The following ATG4A variants were observed in gnomAD, a reference collection of about 807,000 sequenced individuals.
The protein encoded by ATG4A is autophagy related 4A cysteine peptidase, also known as cysteine protease ATG4A.
Under a neutral mutation model 38.4 loss-of-function variants are expected in ATG4A, and 22 were observed. The observed-to-expected ratio is 0.57, with a 90% CI of 0.41 to 0.82. The LOEUF (loss-of-function observed/expected upper bound fraction) is 0.82. ATG4A is among the 40% of genes least tolerant of loss of function. ATG4A has a pLI of 0.00. For missense variants in ATG4A, 220 were observed against 290.0 expected, an observed-to-expected ratio of 0.76 and a Z score of 1.75; for synonymous variants, 86 against 100.7, an observed-to-expected ratio of 0.85 and a Z score of 0.88.
Position 108,140,613 on chromosome X carries a change from A to G in ATG4A, c.814+2422A>G, listed in dbSNP as rs1187353391. 4.8e-5 allele frequency among the ~76,000 whole-genome samples: 5 copies of G among 103,939 alleles called. No homozygotes were observed. In the East Asian group the frequency reaches 8.6e-4, roughly 18 times the overall value. The allele number at this position is 103,939 out of a possible 115,157, so 90.3% of individuals were successfully genotyped here. On this transcript the variant is annotated intron_variant, in intron 9 of 12. Coordinates refer to ENST00000372232, the MANE Select transcript of ATG4A (RefSeq NM_052936.5). ...TATATATACATTATATATATAAAAT[A>G]TATATATAAAATGTATTACATATAC...
intron 4 of ATG4A, among the ~76,000 whole-genome samples, chrX:108,132,982 A>G (rs951357363): frequency 2.7e-5 from 3 of 111,814 alleles, no homozygotes; most frequent in Non-Finnish European, 5.6e-5. Context: ...TTCACTTGCC[A>G]TTGTCGTCAG....
intron 1 of ATG4A, among the ~76,000 whole-genome samples, chrX:108,117,038 TAGACTC>T (rs753512155): frequency 8.9e-6 from 1 of 112,054 alleles, no homozygotes; most frequent in South Asian, 3.8e-4. Flanking sequence ...TTCTTCCCAT[TAGACTC>T]AGAATTACTA....
intron 1 of ATG4A, among the ~76,000 whole-genome samples, chrX:108,122,340 G>A (rs532449278): frequency 1.1e-4 from 12 of 111,846 alleles, no homozygotes; most frequent in African/African-American, 3.6e-4. Flanking sequence ...CTCCATAATA[G>A]CAATGAAAAA....
intron 9 of ATG4A, among the ~76,000 whole-genome samples, chrX:108,142,802 A>T (rs1426657153): frequency 1.8e-5 from 2 of 111,239 alleles, no homozygotes; most frequent in African/African-American, 6.6e-5. Context: ...TTCCCAGCCC[A>T]CTGATTCAAA....
intron 6 of ATG4A, among the ~76,000 whole-genome samples, chrX:108,134,681 A>T (rs1290220861): frequency 1.8e-5 from 2 of 112,021 alleles, no homozygotes; most frequent in African/African-American, 6.5e-5. Flanking sequence ...CTACAGATTG[A>T]TGCTCATGTG....
At chrX:108,140,548 T>TAC (rs1397759046) in intron 9 of ATG4A, among the ~76,000 whole-genome samples, 17 of 103,436 alleles carry the variant, frequency 1.6e-4, no homozygotes, top group Non-Finnish European at 1.2e-4. Flanking sequence ...TCTACACATA[T>TAC]ATACACACAC....
chrX:108,121,546 C>CGGTGT (rs1428613997), intron 1 of ATG4A, among the ~76,000 whole-genome samples: 1 of 111,243 alleles, frequency 9.0e-6, no homozygotes, highest in Non-Finnish European at 1.9e-5. Flanking sequence ...CAAGCCCTTT[C>CGGTGT]GGTGTTCCCT....
At chrX:108,133,420 T>G (rs1464568025) in intron 4 of ATG4A, among the ~76,000 whole-genome samples, 1 of 112,633 alleles carries the variant, frequency 8.9e-6, no homozygotes, top group Non-Finnish European at 1.9e-5. Flanking sequence ...ATGCAGTTAT[T>G]TTGGCATTGG....
intron 2 of ATG4A, chrX:108,126,653 T>G (rs768459595): frequency 8.8e-6 from 6 of 683,944 alleles, no homozygotes; most frequent in Non-Finnish European, 1.2e-5. Flanking sequence ...ATATCAGACC[T>G]AAGTTTTTCT....
intron 1 of ATG4A, among the ~76,000 whole-genome samples, chrX:108,103,163 A>G (rs1451421254): frequency 8.9e-6 from 1 of 111,755 alleles, no homozygotes; most frequent in African/African-American, 3.3e-5. Flanking sequence ...AAAGGACATG[A>G]TCTCTTTCCT....
chrX:108,093,536 A>C (rs2031705588), intron 1 of ATG4A, among the ~76,000 whole-genome samples: 1 of 112,148 alleles, frequency 8.9e-6, no homozygotes, highest in Non-Finnish European at 1.9e-5. Flanking sequence ...TTAGTATGTA[A>C]GTCTTCGTGC....
At chrX:108,135,419 A>G (rs1023318837) in intron 6 of ATG4A, among the ~76,000 whole-genome samples, 2 of 112,069 alleles carry the variant, frequency 1.8e-5, no homozygotes, top group Non-Finnish European at 3.8e-5. Context: ...CCCTGTTTCC[A>G]TTACTAACCA....
intron 7 of ATG4A, 85 bp from the exon 8 acceptor site, chrX:108,137,719 G>A: frequency 1.0e-6 from 1 of 966,426 alleles, no homozygotes; most frequent in East Asian, 3.2e-5. Flanking sequence ...GGGGGCATGT[G>A]AGGTTCCCCT....
intron 9 of ATG4A, among the ~76,000 whole-genome samples, chrX:108,145,536 C>A (rs2033403021): frequency 8.9e-6 from 1 of 112,603 alleles, no homozygotes; most frequent in African/African-American, 3.2e-5. Context: ...TTACAATAAT[C>A]CACTGTCATT....
At chrX:108,110,099 T>C (rs907801006) in intron 1 of ATG4A, among the ~76,000 whole-genome samples, 6 of 107,719 alleles carry the variant, frequency 5.6e-5, no homozygotes, top group African/African-American at 2.0e-4. Flanking sequence ...AGACCAGGTA[T>C]GTGGCTCAGA....
intron 9 of ATG4A, among the ~76,000 whole-genome samples, chrX:108,143,002 A>G (rs1383555669): frequency 8.9e-6 from 1 of 111,960 alleles, no homozygotes; most frequent in Non-Finnish European, 1.9e-5. Flanking sequence ...TAATTTGCCT[A>G]ACATAATACA....
chrX:108,104,468 C>T (rs2032111940), intron 1 of ATG4A, among the ~76,000 whole-genome samples: 1 of 110,180 alleles, frequency 9.1e-6, no homozygotes. Context: ...TTGATTATTC[C>T]ATTCCCTTTT....
At chrX:108,132,408 C>T (rs1228472671) in intron 4 of ATG4A, among the ~76,000 whole-genome samples, 3 of 111,848 alleles carry the variant, frequency 2.7e-5, no homozygotes, top group Non-Finnish European at 5.6e-5. Context: ...AGTATAGAAA[C>T]ATCGTTTTCC....
intron 7 of ATG4A, 52 bp downstream of exon 7, chrX:108,137,222 C>T: frequency 9.6e-7 from 1 of 1,036,671 alleles, no homozygotes; most frequent in East Asian, 3.2e-5. Context: ...GAGTTCCTCC[C>T]TCACCATTCA....
Sources: gnomAD v4.1 joint callset for allele counts (sites outside exome capture counted in the v4.1 genomes callset) on GRCh38, gnomAD v4.1.1 for gene constraint, MANE v1.5 for transcripts, NCBI Gene and HGNC (gene_info 2026-07-23, HGNC 2026-07-21) for gene names.